MELTF: variants seen among roughly 807,000 people sequenced by gnomAD.
MELTF encodes antigen p97 (melanoma associated) identified by monoclonal antibodies 133.2 and 96.5.
MELTF carries 67 observed loss-of-function variants against 83.7 expected under a neutral mutation model. The ratio of observed to expected loss-of-function variants is 0.80; its 90% CI spans 0.66 to 0.98. MELTF has a LOEUF of 0.98. MELTF is among the 50% of genes least tolerant of loss of function. The pLI is 0.00. For missense variants in MELTF, 1,002 were observed against 1,035.6 expected, an observed-to-expected ratio of 0.97 and a Z score of 0.44; for synonymous variants, 462 against 447.6, an observed-to-expected ratio of 1.03 and a Z score of -0.41.
At chr3:197,012,484 G>A (rs539081345) in intron 9 of MELTF, among the ~76,000 whole-genome samples, 3 of 152,378 alleles carry the variant, frequency 2.0e-5, no homozygotes, top group South Asian at 2.1e-4. Context: ...ATTCTTGCCC[G>A]GTCTCCTCTT....
At chr3:197,013,660 C>T (rs987379176) in intron 9 of MELTF, among the ~76,000 whole-genome samples, 22 of 152,250 alleles carry the variant, frequency 1.4e-4, no homozygotes, top group South Asian at 8.3e-4. Context: ...ACACATGCAA[C>T]GGAAACATCT....
rs562755369 is a variant in MELTF, at chr3:197,023,190, G to A, written c.488-77C>T. 202 of 1,463,200 alleles carry A rather than the reference G, an allele frequency of 1.4e-4. 2 individuals are homozygous for A. The East Asian group carries it at 3.4e-3, about 25-fold the overall frequency. 90.6% of individuals were successfully genotyped at this position (1,463,200 alleles called of 1,614,324 possible). On this transcript the variant is annotated intron_variant, in intron 4 of 15. Coordinates refer to ENST00000296350, the MANE Select transcript of MELTF (RefSeq NM_005929.6). ...GCCAAGCCCCCAGGGTCAGCAGGGGGCCCGGGCTCTCATCTGGACTCTGCT... is the reference window on the plus strand; with the variant it reads ...GCCAAGCCCCCAGGGTCAGCAGGGGACCCGGGCTCTCATCTGGACTCTGCT...
Position 197,009,684 on chromosome 3 carries a change from C to G in MELTF, c.1459G>C (p.Asp487His), listed in dbSNP as rs199536050. ...TGAATAAGGGCACCCACGGGGACAT[C>G]CCAGCCTGCAGGGCTGCCGAAACCG... The part of the protein sequence containing the change: ...HAGFGSPAGW[D>H]VPVGALIQRG... The change falls in exon 11 of 16, where the codon GAT becomes CAT. Residue 487 changes from aspartate (D) to histidine (H), a missense_variant. Transcript: ENST00000296350. The G allele has an allele frequency of 2.3e-5, 37 of 1,613,864 alleles. No individual in the cohort carries two copies.
Position 197,017,163 on chromosome 3 carries a change from G to T in MELTF, c.840C>A (p.Ala280=). The T allele has an allele frequency of 1.2e-6, 2 of 1,611,016 alleles. No individual in the cohort carries two copies. Among genetic ancestry groups the T allele is most frequent in the Non-Finnish European group, 1.7e-6 (2 of 1,179,314 alleles). The part of the protein sequence containing the change: ...QCHLARVPAH[A]VVVRADTDGG... Reference sequence around the variant, plus strand: ...CATCTGTGTCGGCCCGGACCACCACGGCGTGAGCAGGCACCCGGGCCAGAT... The same window carrying T: ...CATCTGTGTCGGCCCGGACCACCACTGCGTGAGCAGGCACCCGGGCCAGAT... Residue 280 remains alanine, a synonymous_variant, in exon 7 of 16, where the codon GCC becomes GCA. Coordinates refer to ENST00000296350, the MANE Select transcript of MELTF (RefSeq NM_005929.6).
In MELTF at chr3:197,008,599, T is replaced by G; in HGVS notation, c.1750+58A>C. 1.9e-6 allele frequency: 3 copies of G among 1,561,770 alleles called. No homozygotes were observed. ...GCCCAGCATGGTGTCTGGATGGTGCTGAAGATGGGGAACAGTCCCCCCGAC... is the reference window on the plus strand; with the variant it reads ...GCCCAGCATGGTGTCTGGATGGTGCGGAAGATGGGGAACAGTCCCCCCGAC... On this transcript the variant is annotated intron_variant, in intron 13 of 15. Coordinates refer to ENST00000296350, the MANE Select transcript of MELTF (RefSeq NM_005929.6). This position sits in a 1 kb window ranked among gnomAD's most constrained non-coding sequence, Gnocchi z 5.4.
In MELTF at chr3:197,029,733, G is replaced by T; in HGVS notation, c.-31C>A. 8.1e-7 allele frequency: 1 copy of T among 1,229,170 alleles called. No homozygotes were observed. Among genetic ancestry groups the T allele is most frequent in the Non-Finnish European group, 1.0e-6 (1 of 985,278 alleles). 76.1% of individuals were successfully genotyped at this position (1,229,170 alleles called of 1,614,324 possible). On this transcript the variant is annotated 5_prime_UTR_variant, in exon 1 of 16. Transcript: ENST00000296350. The surrounding 1 kb of genome is among the most constrained non-coding windows in gnomAD (Gnocchi z 6.5). Reference sequence around the variant, plus strand: ...CGTCGGGGCTGGCTGGGGCCGGGCTGGGGCTGGGTCCGGGTCCGAGGAGGT... The same window carrying T: ...CGTCGGGGCTGGCTGGGGCCGGGCTTGGGCTGGGTCCGGGTCCGAGGAGGT...
At chr3:197,020,026 T>C (rs1268188286) in intron 6 of MELTF, among the ~76,000 whole-genome samples, 2 of 152,180 alleles carry the variant, frequency 1.3e-5, no homozygotes, top group East Asian at 3.8e-4. Context: ...CAACTGCATG[T>C]ATTTGGCAAA....
intron 6 of MELTF, chr3:197,019,789 C>T (rs555078044): frequency 1.0e-5 from 16 of 1,572,926 alleles, no homozygotes; most frequent in East Asian, 2.3e-5. Flanking sequence ...TGTTTGCCTT[C>T]GTGATGGACT....
intron 11 of MELTF, 102 bp from the exon 12 acceptor site, chr3:197,009,067 T>G: frequency 7.1e-7 from 1 of 1,399,006 alleles, no homozygotes; most frequent in Non-Finnish European, 9.9e-7. Flanking sequence ...CCCCGGATCC[T>G]ACACTGCAAG....
At position 197,011,454 on chromosome 3, in the gene MELTF, C is replaced by T. The variant is rs1176302565; in HGVS notation, c.1234-660G>A. ...CCAAGGGGCTAACTGGTAACAGAGC[C>T]ATAGTAGTGTGATTAACCTCAAGGG... On this transcript the variant is annotated intron_variant, in intron 9 of 15. Transcript: ENST00000296350. This position sits in a 1 kb window ranked among gnomAD's most constrained non-coding sequence, Gnocchi z 4.2. Among the ~76,000 whole-genome samples, 1 of 152,162 alleles carries T rather than the reference C, an allele frequency of 6.6e-6. No individual in the cohort carries two copies. The highest frequency in any genetic ancestry group is 1.5e-5 in the Non-Finnish European group (1 of 68,020).
Position 197,029,443 on chromosome 3 carries a change from C to T in MELTF, c.49+211G>A, listed in dbSNP as rs1202799194. The T allele has an allele frequency of 5.0e-6, 2 of 403,068 alleles. No individual in the cohort carries two copies. The highest frequency in any genetic ancestry group is 4.5e-5 in the Admixed American group (1 of 22,444). The allele number at this position is 403,068 out of a possible 1,614,324, so 25.0% of individuals were successfully genotyped here. Reference sequence around the variant, plus strand: ...GTCGGAAGCCTCGGGTGTTCGAGGCCGCCTCCTCCAAGAAGCCTTCCAGAC... The same window carrying T: ...GTCGGAAGCCTCGGGTGTTCGAGGCTGCCTCCTCCAAGAAGCCTTCCAGAC... On this transcript the variant is annotated intron_variant, in intron 1 of 15. Coordinates refer to ENST00000296350, the MANE Select transcript of MELTF (RefSeq NM_005929.6). The surrounding 1 kb of genome is among the most constrained non-coding windows in gnomAD (Gnocchi z 6.5).
rs374894801 is a variant in MELTF, at chr3:197,027,873, C to T, written c.87G>A (p.Ser29=). 3.0e-5 allele frequency: 48 copies of T among 1,606,694 alleles called. No individual in the cohort carries two copies. The highest frequency in any genetic ancestry group is 3.6e-4 in the Middle Eastern group (2 of 5,632). Residue 29 remains serine, a synonymous_variant, in exon 2 of 16, where the codon TCG becomes TCA. Coordinates refer to ENST00000296350, the MANE Select transcript of MELTF (RefSeq NM_005929.6). ...TGCCGCACTTGTGCTGCTCTGGGTCCGAGGTGGCGCACCACCGCACCTCCA... is the reference window on the plus strand; with the variant it reads ...TGCCGCACTTGTGCTGCTCTGGGTCTGAGGTGGCGCACCACCGCACCTCCA... ...GGMEVRWCAT[S]DPEQHKCGNM...
chr3:197,015,562 T>G, intron 8 of MELTF, 46 bp from the exon 9 acceptor site: 1 of 1,567,718 alleles, frequency 6.4e-7, no homozygotes, highest in South Asian at 1.2e-5. Flanking sequence ...AGTACTGCCA[T>G]GGAAGAGCAT....
At chr3:197,012,383 G>A (rs376713248) in intron 9 of MELTF, among the ~76,000 whole-genome samples, 2 of 152,220 alleles carry the variant, frequency 1.3e-5, no homozygotes, top group Non-Finnish European at 2.9e-5. Context: ...AGGGTTACAC[G>A]AGATGATCCA....
intron 6 of MELTF, chr3:197,021,193 T>G: frequency 1.8e-6 from 1 of 559,102 alleles, no homozygotes; most frequent in Non-Finnish European, 3.2e-6. Flanking sequence ...CTGTGGGCAG[T>G]GGGCACTCCA....
chr3:197,011,625 T>C lies in MELTF; in HGVS notation c.1234-831A>G, dbSNP rs1307674410. Among the ~76,000 whole-genome samples, 1 of 152,060 alleles carries C rather than the reference T, an allele frequency of 6.6e-6. No individual in the cohort carries two copies. The highest frequency in any genetic ancestry group is 2.4e-5 in the African/African-American group (1 of 41,416). On this transcript the variant is annotated intron_variant, in intron 9 of 15. Coordinates refer to ENST00000296350, the MANE Select transcript of MELTF (RefSeq NM_005929.6). This position sits in a 1 kb window ranked among gnomAD's most constrained non-coding sequence, Gnocchi z 4.2. The stretch of plus-strand genomic sequence containing the variant: ...ATTTGGGGCCAGGAGGGTGCACAGC[T>C]CGGGGCCCTTTTTCCACCACTCAGA...
intron 9 of MELTF, among the ~76,000 whole-genome samples, chr3:197,014,383 GTTTTTTTTTTTT>G (rs71623319): frequency 2.0e-5 from 2 of 101,058 alleles, no homozygotes; most frequent in African/African-American, 8.3e-5. Context: ...AATAGGGAGA[GTTTTTTTTTTTT>G]TTTTTTTTTT....
chr3:197,003,752 C>T lies in MELTF; in HGVS notation c.2137+149G>A. On this transcript the variant is annotated intron_variant, in intron 15 of 15. Coordinates refer to ENST00000296350, the MANE Select transcript of MELTF (RefSeq NM_005929.6). The surrounding 1 kb of genome is among the most constrained non-coding windows in gnomAD (Gnocchi z 6.2). ...CCCTCCCGGCCCGCAGCCTCCTGGC[C>T]AAAATCCTCCCGGGACACCCCACCT... 3.3e-6 allele frequency: 3 copies of T among 899,732 alleles called. No individual in the cohort carries two copies. The highest frequency in any genetic ancestry group is 2.7e-5 in the East Asian group (1 of 37,622). 55.7% of individuals were successfully genotyped at this position (899,732 alleles called of 1,614,324 possible).
intron 9 of MELTF, 47 bp from the exon 10 acceptor site, chr3:197,010,841 G>A (rs879207542): frequency 6.4e-7 from 1 of 1,562,770 alleles, no homozygotes. Flanking sequence ...GCCCAGGATG[G>A]CTCTGGATGT....
Sources: allele counts gnomAD v4.1 joint callset (sites outside exome capture counted in the v4.1 genomes callset), GRCh38; gene constraint gnomAD v4.1.1; non-coding constraint Gnocchi (gnomAD v3.1); transcripts MANE v1.5; gene names NCBI Gene and HGNC (gene_info 2026-07-23, HGNC 2026-07-21).